LRRC56: variants seen among roughly 807,000 people sequenced by gnomAD.
LRRC56 encodes the protein leucine-rich repeat-containing protein 56.
A neutral mutation model predicts 47.8 loss-of-function variants in LRRC56; 41 were observed. That is an observed-to-expected ratio of 0.86 (90% CI 0.67 to 1.11). LRRC56 has a LOEUF of 1.11. LRRC56 is among the 50% of genes most tolerant of loss of function. The probability of loss-of-function intolerance (pLI) is 0.00; values close to 1 mark genes in which losing one functional copy is unlikely to be tolerated. For missense variants in LRRC56, 759 were observed against 704.2 expected (o/e 1.08, Z -0.88); for synonymous variants, 387 against 311.2 (o/e 1.24, Z -2.56).
chr11:526,139 G>A, the LRRC56 span, among the ~76,000 whole-genome samples: 4 of 152,162 alleles, frequency 2.6e-5, no homozygotes, highest in East Asian at 1.9e-4. Context: ...ACTGTGAGGC[G>A]GAGGCTACAG....
At position 550,012 on chromosome 11, in the gene LRRC56, C is replaced by G. The variant is rs1852294522; in HGVS notation, c.423+14C>G. ...CCAGCACTTAAGGTGAGTCTGGGCACCCTGGGCTGGGGAGGCCTGGGCTGG... is the reference window on the plus strand; with the variant it reads ...CCAGCACTTAAGGTGAGTCTGGGCAGCCTGGGCTGGGGAGGCCTGGGCTGG... On this transcript the variant is annotated intron_variant, in intron 7 of 13. Transcript: ENST00000270115. The G allele has an allele frequency of 6.2e-7, 1 of 1,612,378 alleles. No individual in the cohort carries two copies.
chr11:546,412 C>CA (rs977689894), intron 6 of LRRC56, among the ~76,000 whole-genome samples: 1 of 151,714 alleles, frequency 6.6e-6, no homozygotes, highest in African/African-American at 2.4e-5. Context: ...ACTAAAAATA[C>CA]AAAAAATTAG....
rs1411566241 is a variant in LRRC56, at chr11:553,821, G to A, written c.1316-142G>A. ...CAGGGCTGGGAACACAGAAAGTGGG[G>A]TGCAGGGGTGCTGCTGCCTGTGGAC... On this transcript the variant is annotated intron_variant, in intron 13 of 13. Coordinates refer to ENST00000270115, the MANE Select transcript of LRRC56 (RefSeq NM_198075.4). The A allele has an allele frequency of 8.4e-6, 6 of 710,128 alleles. No individual in the cohort carries two copies. The African/African-American group carries it at 1.1e-4, about 13-fold the overall frequency. The allele number at this position is 710,128 out of a possible 1,614,324, so 44.0% of individuals were successfully genotyped here.
At chr11:512,565 A>G in the LRRC56 span, among the ~76,000 whole-genome samples, 2 of 152,206 alleles carry the variant, frequency 1.3e-5, no homozygotes, top group Non-Finnish European at 2.9e-5. Flanking sequence ...TTGCGTTTAC[A>G]TGGTGCGAGG....
the LRRC56 span, among the ~76,000 whole-genome samples, chr11:508,085 A>G: frequency 2.2e-4 from 34 of 152,398 alleles, no homozygotes; most frequent in African/African-American, 7.5e-4. Context: ...ATTTTGGCAG[A>G]TGAAGATTGC....
intron 1 of LRRC56, among the ~76,000 whole-genome samples, chr11:538,316 G>T (rs910239363): frequency 1.3e-5 from 2 of 152,156 alleles, no homozygotes; most frequent in Non-Finnish European, 2.9e-5. Context: ...GCCAGCTCAC[G>T]CCCTCCATGA....
At chr11:543,829 A>G (rs1194142982) in intron 5 of LRRC56, among the ~76,000 whole-genome samples, 1 of 151,968 alleles carries the variant, frequency 6.6e-6, no homozygotes, top group Non-Finnish European at 1.5e-5. Flanking sequence ...GCTCACTGCA[A>G]GCTCCACCTC....
At chr11:519,177 C>T in the LRRC56 span, among the ~76,000 whole-genome samples, 2 of 152,366 alleles carry the variant, frequency 1.3e-5, no homozygotes, top group Admixed American at 6.5e-5. Flanking sequence ...GGGAAAATCA[C>T]CCGCAGTTCA....
chr11:514,731 C>T, the LRRC56 span, among the ~76,000 whole-genome samples: 1 of 152,180 alleles, frequency 6.6e-6, no homozygotes, highest in African/African-American at 2.4e-5. Context: ...GCACACCTGA[C>T]TGCACTGTGG....
chr11:522,905 C>T, the LRRC56 span, among the ~76,000 whole-genome samples: 5 of 152,082 alleles, frequency 3.3e-5, no homozygotes, highest in East Asian at 9.6e-4. Context: ...TGTGCTTCCA[C>T]GCCCGGCTAA....
chr11:534,476 C>T (rs1851334042), upstream of LRRC56: 1 of 643,932 alleles, frequency 1.6e-6, no homozygotes, highest in South Asian at 1.8e-5. Flanking sequence ...ACAGCGGTCC[C>T]TGGGCCCCAA....
the LRRC56 span, among the ~76,000 whole-genome samples, chr11:527,268 G>T: frequency 6.6e-6 from 1 of 151,930 alleles, no homozygotes; most frequent in Non-Finnish European, 1.5e-5. Flanking sequence ...GCCACTGCAT[G>T]CCAGCCTGGC....
At chr11:515,357 C>A in the LRRC56 span, among the ~76,000 whole-genome samples, 31 of 152,302 alleles carry the variant, frequency 2.0e-4, no homozygotes, top group Non-Finnish European at 3.4e-4. Context: ...CCAGCCTGGG[C>A]TTGTCTTCTC....
At position 551,861 on chromosome 11, in the gene LRRC56, C is replaced by T. The variant is rs1232590766; in HGVS notation, c.973+34C>T. The T allele has an allele frequency of 5.0e-6, 8 of 1,609,722 alleles. No individual in the cohort carries two copies. The African/African-American group carries it at 1.1e-4, about 22-fold the overall frequency. ...CTTGCCTCAAAGCTGACCCTGCAGC[C>T]CCTCGGCCCCGAACCAGGCCCAGCC... On this transcript the variant is annotated intron_variant, in intron 10 of 13. Transcript: ENST00000270115.
the LRRC56 span, chr11:532,185 C>T: frequency 6.3e-6 from 2 of 317,020 alleles, no homozygotes; most frequent in Non-Finnish European, 1.2e-5. Flanking sequence ...GAGGTTCCGA[C>T]ATACCTCATG....
rs1414958575 is a variant in LRRC56, at chr11:554,675, C to G, written c.*399C>G. The G allele has an allele frequency of 2.4e-5, 10 of 413,792 alleles. No individual in the cohort carries two copies. Among genetic ancestry groups the G allele is most frequent in the Non-Finnish European group, 4.3e-5 (10 of 230,868 alleles). 25.6% of individuals were successfully genotyped at this position (413,792 alleles called of 1,614,324 possible). ...TCCCTTGCCGGCCCCAGGGTAAGAG[C>G]CACCTCCTAGGCCGCAGTGGCCCAA... On this transcript the variant is annotated 3_prime_UTR_variant, in exon 14 of 14. Coordinates refer to ENST00000270115, the MANE Select transcript of LRRC56 (RefSeq NM_198075.4).
At chr11:533,309 G>C (rs730880457), upstream of LRRC56, 4 of 1,600,404 alleles carry the variant, frequency 2.5e-6, no homozygotes, top group South Asian at 1.1e-5. Context: ...CATGGGTCCC[G>C]GGGGGTCCCA....
At chr11:509,609 G>A in the LRRC56 span, among the ~76,000 whole-genome samples, 1 of 151,974 alleles carries the variant, frequency 6.6e-6, no homozygotes, top group African/African-American at 2.4e-5. Flanking sequence ...GTGCAGTGGC[G>A]CGATCTCGGC....
In LRRC56 at chr11:552,723, C is replaced by T. The variant is rs746406680; in HGVS notation, c.1315+21C>T. On this transcript the variant is annotated intron_variant, in intron 13 of 13. Transcript: ENST00000270115. ...CTCAGGTACTGAGCCTGCCCGCCTG[C>T]CCCCCAGTGCCTGGGAGTGACCAAC... is the stretch of plus-strand genomic sequence containing the variant. The T allele has an allele frequency of 2.8e-5, 44 of 1,579,498 alleles. No homozygotes were observed. The Admixed American group carries it at 5.3e-4, about 19-fold the overall frequency.
Sources: allele counts gnomAD v4.1 joint callset (sites outside exome capture counted in the v4.1 genomes callset), GRCh38; gene constraint gnomAD v4.1.1; transcripts MANE v1.5; gene names NCBI Gene and HGNC (gene_info 2026-07-23, HGNC 2026-07-21).